The following HSP90B1 variants were observed in gnomAD, a reference collection of about 807,000 sequenced individuals.
The protein encoded by HSP90B1 is heat shock protein 90 beta family member 1, also known as endoplasmin.
A neutral mutation model predicts 100.4 loss-of-function variants in HSP90B1; 27 were observed. That is an observed-to-expected ratio of 0.27 (90% confidence interval 0.20 to 0.37). HSP90B1 has a LOEUF of 0.37. Ranked by LOEUF, HSP90B1 falls within the 10% of genes least tolerant of loss-of-function variation. The pLI, the probability that HSP90B1 is intolerant of heterozygous loss-of-function variation, is 1.00. For missense variants in HSP90B1, 678 were observed against 960.5 expected (o/e 0.71, Z 3.89); for synonymous variants, 304 against 330.8 (o/e 0.92, Z 0.88).
rs1377941211 is a variant in HSP90B1 at position 103,934,163 on chromosome 12, G to A, written c.619G>A (p.Asp207Asn). ...TTTCTATTCCGCCTTCCTTGTAGCA[G>A]ATAAGGTTATTGTCACTTCAAAACA... is the stretch of plus-strand genomic sequence containing the variant. ...VGFYSAFLVA[D>N]KVIVTSKHNN... The change falls in exon 5 of 18, where the codon GAT becomes AAT. Residue 207 changes from aspartate to asparagine, a missense_variant. Around this residue, in one of 8 missense-constraint regions of HSP90B1, gnomAD observed 238 missense variants for 346.7 expected, o/e 0.69. Transcript: ENST00000299767. 1 of 1,614,214 alleles carries A rather than the reference G, an allele frequency of 6.2e-7. No individual in the cohort carries two copies. The highest frequency in any genetic ancestry group is 8.5e-7 in the Non-Finnish European group (1 of 1,180,036).
At chr12:103,936,172 G>A (rs17034943) in intron 5 of HSP90B1, among the ~76,000 whole-genome samples, 23,801 of 152,076 alleles carry the variant, frequency 0.16, 2,377 homozygotes, top group East Asian at 0.52. Context: ...TATATTCTTA[G>A]CCTAGATCAG....
chr12:103,937,677 AT>A lies in HSP90B1; in HGVS notation c.744-17del. ...TTCTAAATGTTAGGTGTCTCTAAAC[AT>A]CGAATTTTTCTTGCAGCCTTGTCTT... On this transcript the variant is annotated splice_polypyrimidine_tract_variant and intron_variant, in intron 5 of 17. Transcript: ENST00000299767. The A allele has an allele frequency of 7.8e-7, 1 of 1,288,614 alleles. No individual in the cohort carries two copies. The highest frequency in any genetic ancestry group is 1.1e-6 in the Non-Finnish European group (1 of 886,684). The allele number at this position is 1,288,614 out of a possible 1,614,324, so 79.8% of individuals were successfully genotyped here. A position where few individuals can be genotyped will look rare whatever the true frequency, so the allele number is the denominator to read the frequency against.
intron 11 of HSP90B1, among the ~76,000 whole-genome samples, chr12:103,942,287 AGAGT>A (rs1277408128): frequency 6.6e-6 from 1 of 152,188 alleles, no homozygotes; most frequent in Admixed American, 6.5e-5. Flanking sequence ...TGCTAGAGAG[AGAGT>A]ATCACTGAGT....
chr12:103,946,511 T>G, intron 14 of HSP90B1, 107 bp from the exon 15 acceptor site: 1 of 794,002 alleles, frequency 1.3e-6, no homozygotes, highest in Non-Finnish European at 2.0e-6. Context: ...ATTTTGATTT[T>G]TTTTTTTTAC....
At chr12:103,932,740 A>T in intron 3 of HSP90B1, 86 bp from the exon 4 acceptor site, 2 of 778,860 alleles carry the variant, frequency 2.6e-6, no homozygotes, top group South Asian at 3.0e-5. Context: ...AGGTACAGAG[A>T]AGAAATAAAT....
In HSP90B1 at chr12:103,933,029, A is replaced by C. The variant is rs956198178; in HGVS notation, c.411+87A>C. On this transcript the variant is annotated intron_variant, in intron 4 of 17. Coordinates refer to ENST00000299767, the MANE Select transcript of HSP90B1 (RefSeq NM_003299.3). ...CCTATCAGTCAAGATAGGCTAGATT[A>C]TTTTGCAGTGGCAAAAAAACCCCAA... The C allele has an allele frequency of 3.2e-5, 23 of 721,180 alleles. No homozygotes were observed. The South Asian group carries it at 4.0e-4, about 12-fold the overall frequency. 44.7% of individuals were successfully genotyped at this position (721,180 alleles called of 1,614,324 possible).
At chr12:103,938,550 T>C in intron 7 of HSP90B1, 91 bp downstream of exon 7, 1 of 1,411,234 alleles carries the variant, frequency 7.1e-7, no homozygotes. Context: ...TGATTTGAAG[T>C]CAGCTTCAGT....
At chr12:103,932,124 CATA>C (rs1476368362) in intron 2 of HSP90B1, 150 bp from the exon 3 acceptor site, 1 of 570,274 alleles carries the variant, frequency 1.8e-6, no homozygotes, top group East Asian at 3.0e-5. Context: ...GCTGTGCTAA[CATA>C]ATGAGACGGT....
rs1326821491 is a variant in HSP90B1 at position 103,930,735 on chromosome 12, T to A, written c.49+171T>A. On this transcript the variant is annotated intron_variant, in intron 1 of 17. Transcript: ENST00000299767. This position sits in a 1 kb window ranked among gnomAD's most constrained non-coding sequence, Gnocchi z 4.4. The stretch of plus-strand genomic sequence containing the variant: ...AATTACGTTTATTCTCTTCTTCCTC[T>A]GGAAATAAAAAAAGAGAGCAACATC... 6.8e-6 allele frequency among the ~76,000 whole-genome samples: 1 copy of A among 147,074 alleles called. No homozygotes were observed.
intron 2 of HSP90B1, chr12:103,931,942 G>A: frequency 4.5e-6 from 2 of 447,840 alleles, no homozygotes; most frequent in Non-Finnish European, 8.2e-6. Flanking sequence ...TCTGTCAGTT[G>A]AACAATATTT....
At chr12:103,940,763 A>T (rs1253980226) in intron 8 of HSP90B1, among the ~76,000 whole-genome samples, 1 of 152,240 alleles carries the variant, frequency 6.6e-6, no homozygotes, top group Non-Finnish European at 1.5e-5. Flanking sequence ...AAATAGTATT[A>T]TTTCAACATA....
chr12:103,934,391 C>T, intron 5 of HSP90B1, 104 bp downstream of exon 5: 1 of 927,776 alleles, frequency 1.1e-6, no homozygotes, highest in East Asian at 2.6e-5. Context: ...CTTAATTTTC[C>T]TGCCTTATAA....
Position 103,938,495 on chromosome 12 carries a change from T to A in HSP90B1, c.975+36T>A, listed in dbSNP as rs374664689. The A allele has an allele frequency of 6.9e-6, 11 of 1,591,678 alleles. No individual in the cohort carries two copies. The African/African-American group carries it at 1.4e-4, about 20-fold the overall frequency. On this transcript the variant is annotated intron_variant, in intron 7 of 17. Transcript: ENST00000299767. ...TTTATCTCCCTGCATAAGATATTGTTTAACATGTATAGGCAAAACCAGGAA... is the reference window on the plus strand; with the variant it reads ...TTTATCTCCCTGCATAAGATATTGTATAACATGTATAGGCAAAACCAGGAA...
At chr12:103,944,511 T>C (rs1046117147) in intron 14 of HSP90B1, among the ~76,000 whole-genome samples, 5 of 152,174 alleles carry the variant, frequency 3.3e-5, no homozygotes, top group African/African-American at 7.2e-5. Context: ...GTTTCTGATA[T>C]GCTATCTAGT....
chr12:103,942,861 T>A, intron 12 of HSP90B1, 65 bp downstream of exon 12: 3 of 1,570,290 alleles, frequency 1.9e-6, no homozygotes, highest in Non-Finnish European at 2.6e-6. Context: ...TAGCCAACTC[T>A]TGAGGGGGAG....
intron 14 of HSP90B1, 57 bp from the exon 15 acceptor site, chr12:103,946,561 C>A: frequency 8.0e-7 from 1 of 1,249,288 alleles, no homozygotes; most frequent in Non-Finnish European, 1.2e-6. Context: ...ATAAGGGAAA[C>A]GTATGAACCC....
Position 103,934,284 on chromosome 12 carries a change from T to C in HSP90B1, c.740T>C (p.Ile247Thr). ...RGNTLGRGTT[I>T]TLVLKEEASD... ...AACACTCTAGGACGGGGAACGACAATTACGTGAGTATGACCAATTCCTTAT... is the reference window on the plus strand; with the variant it reads ...AACACTCTAGGACGGGGAACGACAACTACGTGAGTATGACCAATTCCTTAT... Residue 247 changes from isoleucine (I) to threonine (T), a missense_variant, in exon 5 of 18, where the codon ATT becomes ACT. Around this residue, in one of 8 missense-constraint regions of HSP90B1, gnomAD observed 238 missense variants for 346.7 expected, o/e 0.69. Transcript: ENST00000299767. 6.2e-7 allele frequency: 1 copy of C among 1,610,242 alleles called. No individual in the cohort carries two copies. Among genetic ancestry groups the C allele is most frequent in the Non-Finnish European group, 8.5e-7 (1 of 1,176,606 alleles).
At chr12:103,934,997 A>G (rs1325444743) in intron 5 of HSP90B1, among the ~76,000 whole-genome samples, 3 of 152,174 alleles carry the variant, frequency 2.0e-5, no homozygotes, top group Admixed American at 6.5e-5. Flanking sequence ...TACCGTGCCC[A>G]GCCAGAATGT....
At chr12:103,932,531 C>A in intron 3 of HSP90B1, 113 bp downstream of exon 3, 1 of 827,388 alleles carries the variant, frequency 1.2e-6, no homozygotes, top group Non-Finnish European at 1.9e-6. Flanking sequence ...TAGGTAACAA[C>A]CTTTAAATAC....
Sources: gnomAD v4.1 joint callset for allele counts (sites outside exome capture counted in the v4.1 genomes callset) on GRCh38, gnomAD v4.1.1 for gene constraint, gnomAD v4.1.1 regional missense constraint, Gnocchi (gnomAD v3.1) non-coding constraint, MANE v1.5 for transcripts, NCBI Gene and HGNC (gene_info 2026-07-23, HGNC 2026-07-21) for gene names.